Variants in FABP12 observed in about 807,000 individuals in gnomAD.
The protein encoded by FABP12 is fatty acid-binding protein 12.
In FABP12, 19 loss-of-function variants were observed where a neutral mutation model predicts 13.7. The observed-to-expected ratio is 1.39, with a 90% CI of 0.97 to 2.04. The LOEUF (loss-of-function observed/expected upper bound fraction) is 2.04. Among genes scored for constraint, FABP12 ranks in the 30% most tolerant of loss-of-function variants. The probability of loss-of-function intolerance (pLI) is 0.00; values close to 1 mark genes in which losing one functional copy is unlikely to be tolerated. For missense variants in FABP12, 182 were observed against 164.2 expected (o/e 1.11, Z -0.59); for synonymous variants, 61 against 57.0 (o/e 1.07, Z -0.32).
At chr8:81,538,222 C>G (rs1270968379), upstream of FABP12, among the ~76,000 whole-genome samples, 2 of 152,136 alleles carry the variant, frequency 1.3e-5, no homozygotes, top group Non-Finnish European at 2.9e-5. Flanking sequence ...GATCTGCCCC[C>G]ACGACCTAAA....
At chr8:81,558,771 T>A (rs999841753) in intron 1 of FABP12, among the ~76,000 whole-genome samples, 7 of 150,600 alleles carry the variant, frequency 4.6e-5, no homozygotes, top group African/African-American at 1.7e-4. Context: ...ACGCCTGTAA[T>A]CCCAGCTACT....
intron 1 of FABP12, among the ~76,000 whole-genome samples, chr8:81,531,943 GCACACA>G (rs10554665): frequency 1.2e-4 from 18 of 147,762 alleles, no homozygotes; most frequent in Middle Eastern, 3.2e-3. Context: ...ACAAACACAT[GCACACA>G]CACACACACA....
chr8:81,570,949 C>G (rs549128355), intron 1 of FABP12, among the ~76,000 whole-genome samples: 21 of 152,172 alleles, frequency 1.4e-4, no homozygotes, highest in Admixed American at 2.6e-4. Flanking sequence ...GGACCCACCC[C>G]CTTCTGCCCA....
chr8:81,534,818 C>T (rs1286443708), upstream of FABP12, among the ~76,000 whole-genome samples: 1 of 152,042 alleles, frequency 6.6e-6, no homozygotes, highest in Non-Finnish European at 1.5e-5. Flanking sequence ...GTGGTGGGCA[C>T]CTGTAATCCC....
At chr8:81,562,751 A>G (rs1809746225) in intron 1 of FABP12, among the ~76,000 whole-genome samples, 1 of 152,170 alleles carries the variant, frequency 6.6e-6, no homozygotes, top group East Asian at 1.9e-4. Flanking sequence ...GCTTAGCTGC[A>G]GTAGAATAGA....
intron 1 of FABP12, among the ~76,000 whole-genome samples, chr8:81,571,410 G>A (rs1012492174): frequency 3.5e-4 from 53 of 152,308 alleles, no homozygotes; most frequent in Middle Eastern, 3.4e-3. Context: ...TGGGGGCGGC[G>A]CAGATGTCTG....
chr8:81,589,047 T>A (rs1275941849), intron 1 of FABP12, among the ~76,000 whole-genome samples: 1 of 152,078 alleles, frequency 6.6e-6, no homozygotes, highest in African/African-American at 2.4e-5. Flanking sequence ...TCAGGTTGCA[T>A]AAGTAGGGAT....
At chr8:81,579,311 T>C (rs932882600) in intron 1 of FABP12, among the ~76,000 whole-genome samples, 1 of 152,012 alleles carries the variant, frequency 6.6e-6, no homozygotes, top group Non-Finnish European at 1.5e-5. Flanking sequence ...CCGACAGCAA[T>C]GAATAAAACA....
intron 1 of FABP12, among the ~76,000 whole-genome samples, chr8:81,564,256 C>A (rs1563553686): frequency 6.6e-6 from 1 of 152,084 alleles, no homozygotes; most frequent in Non-Finnish European, 1.5e-5. Flanking sequence ...ATTGACCACA[C>A]CTGTTCTATA....
In FABP12 at chr8:81,554,489, T is replaced by C. The variant is rs569732163; in HGVS notation, c.-184-14746A>G. 6.7e-4 allele frequency among the ~76,000 whole-genome samples: 102 copies of C among 152,312 alleles called. No homozygotes were observed. In the Middle Eastern group the frequency reaches 0.01, roughly 15 times the overall value. On this transcript the variant is annotated intron_variant, in intron 1 of 5. Transcript: ENST00000692030. Reference sequence around the variant, plus strand: ...CCCATTCCCTTCTCATTATGATACATTGAAATAACTGAAATTCAACCTTCT... The same window carrying C: ...CCCATTCCCTTCTCATTATGATACACTGAAATAACTGAAATTCAACCTTCT...
rs536625998 is a variant in FABP12, at chr8:81,548,157, C to A, written c.-184-8414G>T. ...AGAACTTCTAAAACATACTGGTGCC[C>A]AATGTCCACCCCTGGTAATTAAATC... On this transcript the variant is annotated intron_variant, in intron 1 of 5. Coordinates refer to the FABP12 transcript ENST00000692030. Among the ~76,000 whole-genome samples, 20 of 152,228 alleles carry A rather than the reference C, an allele frequency of 1.3e-4. No homozygotes were observed. The South Asian group carries it at 3.7e-3, about 28-fold the overall frequency.
intron 3 of FABP12, among the ~76,000 whole-genome samples, chr8:81,528,508 A>G (rs1472126424): frequency 6.6e-6 from 1 of 152,232 alleles, no homozygotes; most frequent in East Asian, 1.9e-4. Context: ...AGTAACTATT[A>G]CAGTGGCATG....
intron 1 of FABP12, among the ~76,000 whole-genome samples, chr8:81,540,940 G>A (rs977771199): frequency 1.3e-5 from 2 of 152,008 alleles, no homozygotes; most frequent in African/African-American, 4.8e-5. Flanking sequence ...GGCCGAGGCG[G>A]GTGGATCACG....
rs752515490 is a variant in FABP12 at position 81,563,344 on chromosome 8, G to T, written c.-184-23601C>A. On this transcript the variant is annotated intron_variant, in intron 1 of 5. Coordinates refer to the FABP12 transcript ENST00000692030. ...GGTACAAACAAGCCCAGATTGCAAA[G>T]ACTATAATAAATACCCAATTCTCCA... Among the ~76,000 whole-genome samples the T allele has an allele frequency of 2.0e-5, 3 of 152,234 alleles. No individual in the cohort carries two copies. The South Asian group carries it at 6.2e-4, about 32-fold the overall frequency.
intron 1 of FABP12, among the ~76,000 whole-genome samples, chr8:81,556,978 G>A (rs1004313291): frequency 2.7e-5 from 4 of 147,968 alleles, no homozygotes; most frequent in East Asian, 2.0e-4. Flanking sequence ...AGATTCAAGC[G>A]ATTCTCCTGC....
chr8:81,543,349 T>G (rs1325413509), intron 1 of FABP12, among the ~76,000 whole-genome samples: 1 of 152,208 alleles, frequency 6.6e-6, no homozygotes, highest in Non-Finnish European at 1.5e-5. Flanking sequence ...AGAGTAGCTT[T>G]CATGAGAGAC....
chr8:81,574,103 T>A (rs956059777), intron 1 of FABP12, among the ~76,000 whole-genome samples: 1 of 152,202 alleles, frequency 6.6e-6, no homozygotes, highest in Non-Finnish European at 1.5e-5. Context: ...CATAGATGGC[T>A]TTTATTACAT....
upstream of FABP12, among the ~76,000 whole-genome samples, chr8:81,535,055 C>A (rs1445079604): frequency 1.3e-5 from 2 of 152,194 alleles, no homozygotes; most frequent in Non-Finnish European, 2.9e-5. Context: ...TGACTGAACA[C>A]CATGTACCTG....
At chr8:81,566,934 A>G (rs2130060923) in intron 1 of FABP12, among the ~76,000 whole-genome samples, 1 of 152,328 alleles carries the variant, frequency 6.6e-6, no homozygotes, top group Non-Finnish European at 1.5e-5. Flanking sequence ...AAAAACGATT[A>G]GAGTCAACAA....
Sources: allele counts gnomAD v4.1 joint callset (sites outside exome capture counted in the v4.1 genomes callset), GRCh38; gene constraint gnomAD v4.1.1; transcripts MANE v1.5; gene names NCBI Gene and HGNC (gene_info 2026-07-23, HGNC 2026-07-21).